Variants in TMEM156 observed in about 807,000 individuals in gnomAD.
TMEM156 encodes transmembrane protein 156.
TMEM156 carries 28 observed loss-of-function variants against 30.5 expected under a neutral mutation model. The ratio of observed to expected loss-of-function variants is 0.92; its 90% CI spans 0.68 to 1.26. The LOEUF (loss-of-function observed/expected upper bound fraction) is 1.26, where lower values mean the gene tolerates loss of function less well. Ranked by LOEUF, TMEM156 falls within the 50% of genes most tolerant of loss-of-function variation. TMEM156 has a pLI of 0.00. For synonymous variants in TMEM156, 137 were observed against 119.9 expected, an observed-to-expected ratio of 1.14 and a Z score of -0.93; for missense variants, 351 against 340.6, an observed-to-expected ratio of 1.03 and a Z score of -0.24.
chr4:38,995,809 C>T (rs997939165), intron 2 of TMEM156, among the ~76,000 whole-genome samples: 1 of 152,214 alleles, frequency 6.6e-6, no homozygotes, highest in African/African-American at 2.4e-5. Context: ...GGAAGTGACA[C>T]TGCATGACTA....
chr4:38,996,446 T>TCTG (rs1712943819), intron 2 of TMEM156, among the ~76,000 whole-genome samples: 1 of 150,498 alleles, frequency 6.6e-6, no homozygotes. Context: ...GTAGCAGGCG[T>TCTG]CTGTAATCCC....
chr4:38,992,257 G>T (rs985597446), intron 3 of TMEM156, among the ~76,000 whole-genome samples: 1 of 127,674 alleles, frequency 7.8e-6, no homozygotes, highest in Non-Finnish European at 1.7e-5. Context: ...GTGAGGGGTC[G>T]CCCTCTTTCA....
chr4:38,984,988 A>G (rs1005955738), intron 5 of TMEM156, among the ~76,000 whole-genome samples: 4 of 127,592 alleles, frequency 3.1e-5, no homozygotes, highest in Non-Finnish European at 6.9e-5. Flanking sequence ...CCTCGACTAT[A>G]TGGGTTGACG....
chr4:39,022,242 C>G lies in TMEM156; in HGVS notation c.88+9984G>C, dbSNP rs545451913. On this transcript the variant is annotated intron_variant, in intron 1 of 6. Transcript: ENST00000381938. ...TGTGTTTATAAACTCTCAAAGGACT[C>G]TTTTTCCTTTCTCCACCCATAGCCA... 1.8e-4 allele frequency among the ~76,000 whole-genome samples: 27 copies of G among 152,338 alleles called. No homozygotes were observed. The South Asian group carries it at 4.6e-3, about 26-fold the overall frequency.
Position 38,971,191 on chromosome 4 carries a change from A to G in TMEM156, c.824-54T>C, listed in dbSNP as rs1170349247. 3.3e-6 allele frequency: 5 copies of G among 1,525,752 alleles called. No homozygotes were observed. The African/African-American group carries it at 6.9e-5, about 21-fold the overall frequency. The allele number at this position is 1,525,752 out of a possible 1,614,324, so 94.5% of individuals were successfully genotyped here. A position where few individuals can be genotyped will look rare whatever the true frequency, so the allele number is the denominator to read the frequency against. On this transcript the variant is annotated intron_variant, in intron 5 of 6. Transcript: ENST00000381938. ...TATATGTAGTAAATAGCAAAAAGAG[A>G]CAGGCTTATTCTAATGTAGTAAGAG...
intron 2 of TMEM156, among the ~76,000 whole-genome samples, chr4:38,995,920 T>C (rs1231988456): frequency 6.6e-6 from 1 of 152,032 alleles, no homozygotes; most frequent in Non-Finnish European, 1.5e-5. Flanking sequence ...GCCACCATGA[T>C]GTGAAGACAC....
intron 6 of TMEM156, among the ~76,000 whole-genome samples, chr4:38,970,146 TTGTG>T (rs71641397): frequency 1.3e-5 from 2 of 149,170 alleles, no homozygotes; most frequent in Admixed American, 6.7e-5. Context: ...GTGTGTGTGT[TTGTG>T]TGTGTGTGTG....
chr4:39,016,437 ATTCTT>A (rs956943298), intron 1 of TMEM156, among the ~76,000 whole-genome samples: 1 of 150,024 alleles, frequency 6.7e-6, no homozygotes, highest in Non-Finnish European at 1.5e-5. Context: ...TTCTGTATCT[ATTCTT>A]TTAAGTTCAT....
At chr4:38,982,551 C>T (rs189805105) in intron 5 of TMEM156, among the ~76,000 whole-genome samples, 65 of 152,230 alleles carry the variant, frequency 4.3e-4, no homozygotes, top group Non-Finnish European at 8.2e-4. Context: ...CTTGCTCATC[C>T]GCTCTTTTTA....
chr4:38,998,065 G>A (rs138410067), intron 2 of TMEM156, among the ~76,000 whole-genome samples: 42 of 152,180 alleles, frequency 2.8e-4, no homozygotes, highest in Non-Finnish European at 3.4e-4. Flanking sequence ...CTTTTGAAGA[G>A]AGTATATGCC....
Position 38,998,622 on chromosome 4 carries a change from C to G in TMEM156, c.358+18G>C. 6.3e-7 allele frequency: 1 copy of G among 1,597,296 alleles called. No individual in the cohort carries two copies. On this transcript the variant is annotated intron_variant, in intron 2 of 6. Coordinates refer to ENST00000381938, the MANE Select transcript of TMEM156 (RefSeq NM_024943.3). Reference sequence around the variant, plus strand: ...TATACCTGATACCATTTTATTCTCACCTTCACTTTGTGTTTACCTTTTGAT... The same window carrying G: ...TATACCTGATACCATTTTATTCTCAGCTTCACTTTGTGTTTACCTTTTGAT...
intron 5 of TMEM156, among the ~76,000 whole-genome samples, chr4:38,973,969 A>G (rs903360319): frequency 6.6e-6 from 1 of 152,082 alleles, no homozygotes; most frequent in African/African-American, 2.4e-5. Context: ...ATCTCTTTAC[A>G]TCTATAAATA....
chr4:39,029,146 A>T (rs1204102610), intron 1 of TMEM156, among the ~76,000 whole-genome samples: 1 of 152,176 alleles, frequency 6.6e-6, no homozygotes, highest in Non-Finnish European at 1.5e-5. Context: ...AAACATCATG[A>T]GTATATTATT....
intron 4 of TMEM156, among the ~76,000 whole-genome samples, chr4:38,987,556 G>C (rs372176225): frequency 1.6e-4 from 25 of 152,338 alleles, no homozygotes; most frequent in African/African-American, 6.0e-4. Context: ...GCAACCACTT[G>C]TTCTGCCTAC....
At chr4:38,989,785 T>C (rs62294542) in intron 3 of TMEM156, among the ~76,000 whole-genome samples, 2 of 122,844 alleles carry the variant, frequency 1.6e-5, no homozygotes, top group South Asian at 2.5e-4. Context: ...TTTATTTTAT[T>C]TTATCTTATT....
chr4:39,031,857 T>C (rs1715522048), intron 1 of TMEM156, among the ~76,000 whole-genome samples: 1 of 126,552 alleles, frequency 7.9e-6, no homozygotes, highest in Admixed American at 1.0e-4. Context: ...CACTCCAGCC[T>C]GAGCGACAGA....
intron 6 of TMEM156, among the ~76,000 whole-genome samples, chr4:38,967,852 G>T (rs369961163): frequency 1.3e-5 from 2 of 152,226 alleles, no homozygotes; most frequent in Non-Finnish European, 2.9e-5. Flanking sequence ...GATTACAGGC[G>T]TGAGCCACCA....
At chr4:38,975,182 G>A (rs777903719) in intron 5 of TMEM156, among the ~76,000 whole-genome samples, 14 of 151,896 alleles carry the variant, frequency 9.2e-5, no homozygotes, top group Non-Finnish European at 1.3e-4. Context: ...AATGAGACCC[G>A]AGGCCATCTT....
chr4:39,022,439 A>C (rs574688343), intron 1 of TMEM156, among the ~76,000 whole-genome samples: 40 of 152,326 alleles, frequency 2.6e-4, no homozygotes, highest in African/African-American at 8.4e-4. Flanking sequence ...AGAGATTTGC[A>C]AATGCTCCTG....
Sources: gnomAD v4.1 joint callset for allele counts (sites outside exome capture counted in the v4.1 genomes callset) on GRCh38, gnomAD v4.1.1 for gene constraint, MANE v1.5 for transcripts, NCBI Gene and HGNC (gene_info 2026-07-23, HGNC 2026-07-21) for gene names.